ADAMTS14: variants seen among roughly 807,000 people sequenced by gnomAD.
ADAMTS14 encodes the protein ADAM metallopeptidase with thrombospondin type 1 motif 14.
ADAMTS14 carries 100 observed loss-of-function variants against 128.6 expected under a neutral mutation model. That is an observed-to-expected ratio of 0.78 (90% CI 0.66 to 0.92). The LOEUF (loss-of-function observed/expected upper bound fraction) is 0.92, where lower values mean the gene tolerates loss of function less well. Among genes scored for constraint, ADAMTS14 ranks in the 40% least tolerant of loss-of-function variants. The pLI, the probability that ADAMTS14 is intolerant of heterozygous loss-of-function variation, is 0.00. For synonymous variants in ADAMTS14, 665 were observed against 653.8 expected, an observed-to-expected ratio of 1.02 and a Z score of -0.26; for missense variants, 1,562 against 1,658.6, an observed-to-expected ratio of 0.94 and a Z score of 1.01.
chr10:70,729,324 G>C lies in ADAMTS14; in HGVS notation c.901G>C (p.Gly301Arg). Residue 301 changes from glycine to arginine, a missense_variant, in exon 5 of 22, where the codon GGG becomes CGG. Physicochemically the swap from Gly to Arg is moderately radical, Grantham distance 125 (BLOSUM62 -2). Transcript: ENST00000373207. ...TGAGATTTACCACGATGAGTCCCTG[G>C]GGGTTCATATAAATATTGCCCTCGT... ...VDEIYHDESL[G>R]VHINIALVRL... The C allele has an allele frequency of 2.5e-6, 4 of 1,613,884 alleles. No individual in the cohort carries two copies. The highest frequency in any genetic ancestry group is 2.5e-6 in the Non-Finnish European group (3 of 1,179,940).
intron 2 of ADAMTS14, among the ~76,000 whole-genome samples, chr10:70,697,599 C>T (rs1378550930): frequency 6.6e-6 from 1 of 152,236 alleles, no homozygotes; most frequent in East Asian, 1.9e-4. Context: ...ACAATTTGGC[C>T]TCAATTACCT....
intron 4 of ADAMTS14, among the ~76,000 whole-genome samples, chr10:70,719,074 C>A (rs1442132160): frequency 6.6e-6 from 1 of 151,988 alleles, no homozygotes; most frequent in Non-Finnish European, 1.5e-5. Context: ...GGATGGGGTG[C>A]TACCGGCATC....
In ADAMTS14 at chr10:70,702,240, C is replaced by T. The variant is rs149548628; in HGVS notation, c.523-72C>T. On this transcript the variant is annotated intron_variant, in intron 2 of 21. Coordinates refer to ENST00000373207, the MANE Select transcript of ADAMTS14 (RefSeq NM_080722.4). ...TCACATATGTGCATTCACAGATGCT[C>T]GCCTGTCGGCTGTACTGTGTGTTCA... is the stretch of plus-strand genomic sequence containing the variant. 4.8e-4 allele frequency: 774 copies of T among 1,598,614 alleles called. 2 individuals carry two copies. The African/African-American group carries it at 9.5e-3, about 20-fold the overall frequency.
chr10:70,672,913 C>G (rs758622549), intron 1 of ADAMTS14, 29 bp downstream of exon 1: 6 of 1,436,118 alleles, frequency 4.2e-6, no homozygotes, highest in Non-Finnish European at 5.4e-6. Context: ...CGCGGGGGCC[C>G]GTGGGGTCCG....
chr10:70,730,924 A>G (rs1475124981), intron 6 of ADAMTS14, among the ~76,000 whole-genome samples: 2 of 152,182 alleles, frequency 1.3e-5, no homozygotes, highest in African/African-American at 4.8e-5. Flanking sequence ...GGCAGATGTG[A>G]GACTCAAACT....
chr10:70,677,636 C>T (rs1199055871), intron 2 of ADAMTS14, among the ~76,000 whole-genome samples: 2 of 152,164 alleles, frequency 1.3e-5, no homozygotes, highest in Non-Finnish European at 2.9e-5. Flanking sequence ...TGGACCACAA[C>T]ATGTACCCTG....
intron 4 of ADAMTS14, among the ~76,000 whole-genome samples, chr10:70,721,914 A>G (rs1435968751): frequency 6.6e-6 from 1 of 152,156 alleles, no homozygotes; most frequent in Admixed American, 6.5e-5. Context: ...CATACAAGCT[A>G]CGGACAGCAT....
intron 19 of ADAMTS14, 79 bp from the exon 20 acceptor site, chr10:70,757,881 CTG>C (rs1842514149): frequency 1.3e-6 from 2 of 1,515,486 alleles, no homozygotes; most frequent in East Asian, 4.5e-5. Flanking sequence ...TGGCTGGGCT[CTG>C]AGCTCACTGA....
intron 4 of ADAMTS14, among the ~76,000 whole-genome samples, chr10:70,715,075 C>G (rs1021292018): frequency 6.6e-6 from 1 of 151,172 alleles, no homozygotes; most frequent in Non-Finnish European, 1.5e-5. Context: ...GGAGAACTAA[C>G]GGGAGATGAA....
chr10:70,734,066 C>T, intron 8 of ADAMTS14, 38 bp downstream of exon 8: 2 of 1,594,232 alleles, frequency 1.3e-6, no homozygotes, highest in Non-Finnish European at 8.5e-7. Context: ...GATAGGGGAG[C>T]ATGCGACCTG....
At chr10:70,716,186 GAGAGT>G (rs1176851642) in intron 4 of ADAMTS14, among the ~76,000 whole-genome samples, 1 of 152,234 alleles carries the variant, frequency 6.6e-6, no homozygotes, top group African/African-American at 2.4e-5. Context: ...GAGGAGAGAG[GAGAGT>G]AATGATCTTC....
At chr10:70,701,836 TG>T (rs1195789455) in intron 2 of ADAMTS14, among the ~76,000 whole-genome samples, 1 of 151,978 alleles carries the variant, frequency 6.6e-6, no homozygotes, top group Non-Finnish European at 1.5e-5. Flanking sequence ...CATATTGGAG[TG>T]GGGGACAAAC....
At chr10:70,698,635 GGGACAA>G (rs1370628637) in intron 2 of ADAMTS14, among the ~76,000 whole-genome samples, 1 of 152,230 alleles carries the variant, frequency 6.6e-6, no homozygotes, top group East Asian at 1.9e-4. Flanking sequence ...TGCACGCAAT[GGGACAA>G]GGACCATCTC....
chr10:70,694,741 T>G (rs1840285187), intron 2 of ADAMTS14, among the ~76,000 whole-genome samples: 1 of 152,224 alleles, frequency 6.6e-6, no homozygotes, highest in African/African-American at 2.4e-5. Context: ...AAATAATATT[T>G]CATTGTATGG....
rs1469115273 is a variant in ADAMTS14 at position 70,705,408 on chromosome 10, C to T, written c.679+2940C>T. 2.0e-5 allele frequency among the ~76,000 whole-genome samples: 3 copies of T among 152,236 alleles called. No homozygotes were observed. The East Asian group carries it at 5.8e-4, about 29-fold the overall frequency. ...CGGGCTCTCCGTGGGGCTGCCCATG[C>T]CAGGGCCGCCAGCCGGGCTGGGGCT... On this transcript the variant is annotated intron_variant, in intron 3 of 21. Coordinates refer to ENST00000373207, the MANE Select transcript of ADAMTS14 (RefSeq NM_080722.4).
chr10:70,693,733 A>G (rs1349124407), intron 2 of ADAMTS14, among the ~76,000 whole-genome samples: 2 of 152,210 alleles, frequency 1.3e-5, no homozygotes, highest in African/African-American at 4.8e-5. Context: ...TGGGCTCAGC[A>G]AGACCTCAGT....
At chr10:70,730,027 T>C in intron 5 of ADAMTS14, 75 bp from the exon 6 acceptor site, 1 of 1,496,540 alleles carries the variant, frequency 6.7e-7, no homozygotes, top group Non-Finnish European at 8.9e-7. Flanking sequence ...CATCTGTAAG[T>C]GGGAGGAGAG....
chr10:70,698,613 G>A (rs1840402323), intron 2 of ADAMTS14, among the ~76,000 whole-genome samples: 1 of 152,210 alleles, frequency 6.6e-6, no homozygotes, highest in African/African-American at 2.4e-5. Context: ...GCCTGTTGAG[G>A]CCTGGGTAGG....
rs2132677016 is a variant in ADAMTS14 at position 70,732,337 on chromosome 10, A to G, written c.1186A>G (p.Ile396Val). ...HEDGFSSAFV[I>V]AHETGHVLGM... is the part of the protein sequence containing the mutation. ...GGATGGCTTCTCCTCAGCCTTCGTGATAGCTCATGAGACCGGCCACGTGTA... is the reference window on the plus strand; with the variant it reads ...GGATGGCTTCTCCTCAGCCTTCGTGGTAGCTCATGAGACCGGCCACGTGTA... Residue 396 changes from isoleucine (I) to valine (V), a missense_variant, in exon 7 of 22, where the codon ATA (isoleucine) becomes GTA (valine). Ile to Val is a conservative substitution (Grantham distance 29, BLOSUM62 3). Coordinates refer to ENST00000373207, the MANE Select transcript of ADAMTS14 (RefSeq NM_080722.4). 2 of 1,614,092 alleles carry G rather than the reference A, an allele frequency of 1.2e-6. No homozygotes were observed. Among genetic ancestry groups the G allele is most frequent in the East Asian group, 2.2e-5 (1 of 44,876 alleles).
Sources: allele counts gnomAD v4.1 joint callset (sites outside exome capture counted in the v4.1 genomes callset), GRCh38; gene constraint gnomAD v4.1.1; transcripts MANE v1.5; gene names NCBI Gene and HGNC (gene_info 2026-07-23, HGNC 2026-07-21).